Variants in NCEH1 observed in about 807,000 individuals in gnomAD.
The protein encoded by NCEH1 is 2-acetyl MAGE hydrolase.
A neutral mutation model predicts 25.4 loss-of-function variants in NCEH1; 9 were observed. That is an observed-to-expected ratio of 0.35 (90% CI 0.21 to 0.62). NCEH1 has a LOEUF of 0.62. NCEH1 is among the 20% of genes least tolerant of loss of function. The pLI is 0.72. For synonymous variants in NCEH1, 200 were observed against 199.8 expected, an observed-to-expected ratio of 1.00 and a Z score of -0.01; for missense variants, 412 against 501.1, an observed-to-expected ratio of 0.82 and a Z score of 1.70.
intron 1 of NCEH1, among the ~76,000 whole-genome samples, chr3:172,653,744 G>GTTGTTGCTTTTTTTTT (rs1717534237): frequency 7.3e-5 from 7 of 95,656 alleles, no homozygotes; most frequent in African/African-American, 2.5e-4. Flanking sequence ...TGTTTTTTTT[G>GTTGTTGCTTTTTTTTT]TTTTTTTGTT....
At chr3:172,655,757 G>T (rs1055854800) in intron 1 of NCEH1, among the ~76,000 whole-genome samples, 2 of 152,190 alleles carry the variant, frequency 1.3e-5, no homozygotes, top group African/African-American at 4.8e-5. Context: ...ATTTCTGGGA[G>T]GATTTAGGCC....
chr3:172,691,969 GAAAGA>G (rs1560205880), intron 1 of NCEH1, among the ~76,000 whole-genome samples: 1 of 22,914 alleles, frequency 4.4e-5, no homozygotes, highest in Non-Finnish European at 9.7e-5. Context: ...AAAAAAAAAA[GAAAGA>G]AAGAAAGAAA....
chr3:172,695,938 T>C (rs866766016), intron 1 of NCEH1, among the ~76,000 whole-genome samples: 2 of 151,672 alleles, frequency 1.3e-5, no homozygotes, highest in South Asian at 4.2e-4. Flanking sequence ...AGTGAGCCTC[T>C]GTCTCAAAAA....
intron 3 of NCEH1, among the ~76,000 whole-genome samples, chr3:172,639,638 TTAA>T (rs2108490452): frequency 1.3e-5 from 2 of 152,334 alleles, no homozygotes; most frequent in South Asian, 4.1e-4. Context: ...TTATATCATA[TTAA>T]TATTATGGAT....
intron 1 of NCEH1, among the ~76,000 whole-genome samples, chr3:172,667,399 A>G (rs985554774): frequency 2.0e-5 from 3 of 152,246 alleles, no homozygotes; most frequent in Non-Finnish European, 2.9e-5. Context: ...AAGACGACAC[A>G]GTCTCTCTGG....
intron 1 of NCEH1, among the ~76,000 whole-genome samples, chr3:172,671,067 A>G (rs1172269503): frequency 2.0e-5 from 3 of 152,158 alleles, no homozygotes; most frequent in Non-Finnish European, 2.9e-5. Flanking sequence ...TACTTTGTCC[A>G]GTGGCAACAT....
intron 1 of NCEH1, among the ~76,000 whole-genome samples, chr3:172,699,083 C>A (rs602528): frequency 0.55 from 83,316 of 152,014 alleles, 24,803 homozygotes; most frequent in African/African-American, 0.79. Context: ...TAAAAGAAAA[C>A]CAAAACGCTA....
chr3:172,653,146 C>T (rs539754665), intron 1 of NCEH1, among the ~76,000 whole-genome samples: 46 of 152,206 alleles, frequency 3.0e-4, no homozygotes, highest in Non-Finnish European at 5.9e-4. Flanking sequence ...AAACTTGCCT[C>T]CATAACCATT....
intron 1 of NCEH1, among the ~76,000 whole-genome samples, chr3:172,689,251 C>CTTTTTTTTT (rs34888694): frequency 3.7e-5 from 3 of 80,936 alleles, no homozygotes; most frequent in African/African-American, 5.2e-5. Context: ...CTTGGAGTAA[C>CTTTTTTTTT]TTTTTTTTTT....
chr3:172,686,578 T>G (rs901314189), intron 1 of NCEH1, among the ~76,000 whole-genome samples: 11 of 152,192 alleles, frequency 7.2e-5, no homozygotes, highest in African/African-American at 2.7e-4. Context: ...GATGTGGACA[T>G]GCAAAGCCAT....
chr3:172,645,873 A>G (rs1440458601), intron 2 of NCEH1, among the ~76,000 whole-genome samples, 181 bp from the exon 3 acceptor site: 1 of 152,246 alleles, frequency 6.6e-6, no homozygotes, highest in East Asian at 1.9e-4. Context: ...TCTGATTTCT[A>G]ATAACATGCA....
intron 1 of NCEH1, among the ~76,000 whole-genome samples, chr3:172,708,432 C>G (rs923603716): frequency 6.6e-6 from 1 of 152,140 alleles, no homozygotes; most frequent in African/African-American, 2.4e-5. Flanking sequence ...CTCGACTCAA[C>G]GCAACCTCCG....
intron 1 of NCEH1, among the ~76,000 whole-genome samples, chr3:172,689,353 G>A (rs1276227113): frequency 1.4e-5 from 2 of 147,380 alleles, no homozygotes; most frequent in Non-Finnish European, 3.0e-5. Context: ...CCGCCTCCCG[G>A]GTTGAGGCAA....
At chr3:172,674,786 T>G (rs1034570868) in intron 1 of NCEH1, among the ~76,000 whole-genome samples, 17 of 152,234 alleles carry the variant, frequency 1.1e-4, no homozygotes, top group African/African-American at 4.1e-4. Context: ...GGTTGTAAAA[T>G]TCTAATTGCC....
intron 1 of NCEH1, among the ~76,000 whole-genome samples, chr3:172,667,349 G>T (rs1445023114): frequency 6.6e-6 from 1 of 152,200 alleles, no homozygotes; most frequent in Non-Finnish European, 1.5e-5. Flanking sequence ...ATAATAGCAG[G>T]CAATCTAGCA....
At chr3:172,648,321 C>T (rs1260293072) in intron 1 of NCEH1, among the ~76,000 whole-genome samples, 5 of 152,164 alleles carry the variant, frequency 3.3e-5, no homozygotes, top group Non-Finnish European at 4.4e-5. Flanking sequence ...CCTCAGGTAT[C>T]ATCAGTCCCA....
intron 1 of NCEH1, among the ~76,000 whole-genome samples, chr3:172,709,751 T>C (rs1373979550): frequency 6.6e-6 from 1 of 152,232 alleles, no homozygotes; most frequent in African/African-American, 2.4e-5. Context: ...ATCATGACTT[T>C]TTTAAAATCA....
At position 172,709,693 on chromosome 3, in the gene NCEH1, T is replaced by C. The variant is rs181503054; in HGVS notation, c.138+1154A>G. 4.9e-4 allele frequency among the ~76,000 whole-genome samples: 74 copies of C among 152,338 alleles called. No individual in the cohort carries two copies. The East Asian group carries it at 0.012, about 24-fold the overall frequency. The stretch of plus-strand genomic sequence containing the variant: ...TAAAGCCCCACAGATTATGTAATCC[T>C]ACACATAATGAGTGGACAGGGAACA... On this transcript the variant is annotated intron_variant, in intron 1 of 4. Transcript: ENST00000475381.
chr3:172,648,175 T>C (rs1028431574), intron 1 of NCEH1, 61 bp from the exon 2 acceptor site: 2 of 1,592,132 alleles, frequency 1.3e-6, no homozygotes, highest in East Asian at 4.5e-5. Flanking sequence ...TCACCAGAGC[T>C]GCCCTCACCA....
Sources: allele counts gnomAD v4.1 joint callset (sites outside exome capture counted in the v4.1 genomes callset), GRCh38; gene constraint gnomAD v4.1.1; transcripts MANE v1.5; gene names NCBI Gene and HGNC (gene_info 2026-07-23, HGNC 2026-07-21).